The following WDR64 variants were observed in gnomAD, a reference collection of about 807,000 sequenced individuals.
WDR64 encodes WD repeat-containing protein 64.
Under a neutral mutation model 139.3 loss-of-function variants are expected in WDR64, and 112 were observed. The ratio of observed to expected loss-of-function variants is 0.80; its 90% CI spans 0.69 to 0.94. WDR64 has a LOEUF of 0.94. Ranked by LOEUF, WDR64 falls within the 40% of genes least tolerant of loss-of-function variation. WDR64 has a pLI of 0.00. For missense variants in WDR64, 1,206 were observed against 1,293.1 expected, an observed-to-expected ratio of 0.93 and a Z score of 1.03; for synonymous variants, 444 against 437.7, an observed-to-expected ratio of 1.01 and a Z score of -0.18.
At chr1:241,777,644 C>G (rs1158439146) in intron 21 of WDR64, among the ~76,000 whole-genome samples, 2 of 152,048 alleles carry the variant, frequency 1.3e-5, no homozygotes, top group Admixed American at 6.6e-5. Flanking sequence ...TTTCGAACTC[C>G]TGACCTCAGG....
rs529047338 is a variant in WDR64, at chr1:241,677,468, G to A, written c.484-719G>A. 4 of 398,310 alleles carry A rather than the reference G, an allele frequency of 1.0e-5. No individual in the cohort carries two copies. In the South Asian group the frequency reaches 3.8e-4, roughly 38 times the overall value. The allele number at this position is 398,310 out of a possible 1,614,324, so 24.7% of individuals were successfully genotyped here. A position where few individuals can be genotyped will look rare whatever the true frequency, so the allele number is the denominator to read the frequency against. ...TATTTCACATAATCCGTTTCTTCTG[G>A]GCCGCTGTTTCCTAGATACTTCTCA... On this transcript the variant is annotated intron_variant, in intron 4 of 27. Coordinates refer to ENST00000437684, the MANE Select transcript of WDR64 (RefSeq NM_001367482.1).
At chr1:241,668,861 C>A (rs1039013779) in intron 2 of WDR64, among the ~76,000 whole-genome samples, 3 of 151,626 alleles carry the variant, frequency 2.0e-5, no homozygotes, top group Non-Finnish European at 4.4e-5. Flanking sequence ...GATCACACCA[C>A]TGCACTCCAG....
chr1:241,713,679 G>A (rs887874737), intron 9 of WDR64, among the ~76,000 whole-genome samples: 1 of 152,120 alleles, frequency 6.6e-6, no homozygotes, highest in Admixed American at 6.5e-5. Context: ...AAATCACTTT[G>A]GCAAAGGTGG....
At chr1:241,665,844 T>C (rs897954261) in intron 2 of WDR64, among the ~76,000 whole-genome samples, 1 of 152,132 alleles carries the variant, frequency 6.6e-6, no homozygotes, top group African/African-American at 2.4e-5. Flanking sequence ...AGAAGAGGCA[T>C]ACCACACCAT....
chr1:241,738,515 C>T (rs747624194), intron 11 of WDR64, 26 bp downstream of exon 11: 47 of 1,588,788 alleles, frequency 3.0e-5, no homozygotes, highest in East Asian at 2.5e-4. Context: ...TAATGTCAAA[C>T]GAAACTCATG....
At chr1:241,694,398 AAC>A in intron 8 of WDR64, among the ~76,000 whole-genome samples, 1 of 152,318 alleles carries the variant, frequency 6.6e-6, no homozygotes, top group Admixed American at 6.5e-5. Flanking sequence ...GCACATTAAA[AAC>A]AGTTTCATTT....
In WDR64 at chr1:241,801,975, G is replaced by A. The variant is rs1659539166; in HGVS notation, c.*760G>A. On this transcript the variant is annotated 3_prime_UTR_variant, in exon 28 of 28. Coordinates refer to ENST00000437684, the MANE Select transcript of WDR64 (RefSeq NM_001367482.1). ...ACAAGAAACACATCTAACATACAAGGACACCAAACTCTTAAAGATAAAAGA... is the reference window on the plus strand; with the variant it reads ...ACAAGAAACACATCTAACATACAAGAACACCAAACTCTTAAAGATAAAAGA... 7.6e-6 allele frequency: 3 copies of A among 397,102 alleles called. No individual in the cohort carries two copies. The South Asian group carries it at 3.9e-4, about 51-fold the overall frequency. 24.6% of individuals were successfully genotyped at this position (397,102 alleles called of 1,614,324 possible).
Position 241,761,413 on chromosome 1 carries a change from GC to G in WDR64, c.1947+3955del, listed in dbSNP as rs1314202880. 3.3e-5 allele frequency among the ~76,000 whole-genome samples: 5 copies of G among 151,976 alleles called. No individual in the cohort carries two copies. The East Asian group carries it at 9.7e-4, about 29-fold the overall frequency. On this transcript the variant is annotated intron_variant, in intron 15 of 27. Coordinates refer to ENST00000437684, the MANE Select transcript of WDR64 (RefSeq NM_001367482.1). ...AATATAATTTGGTATACTTTAATTT[GC>G]ATTTATCTTATAATGAGTGAGTGGA...
At chr1:241,659,322 G>A (rs911587631) in intron 1 of WDR64, among the ~76,000 whole-genome samples, 7 of 152,116 alleles carry the variant, frequency 4.6e-5, no homozygotes, top group Non-Finnish European at 1.0e-4. Flanking sequence ...ATGGGCATTT[G>A]TATTGATTCC....
intron 15 of WDR64, among the ~76,000 whole-genome samples, chr1:241,764,458 G>A (rs1416920961): frequency 6.6e-6 from 1 of 152,006 alleles, no homozygotes; most frequent in Non-Finnish European, 1.5e-5. Context: ...TTCGAGGCCA[G>A]CCTGGGCAAC....
At chr1:241,690,640 G>A (rs1667184281) in intron 8 of WDR64, among the ~76,000 whole-genome samples, 1 of 152,098 alleles carries the variant, frequency 6.6e-6, no homozygotes, top group Non-Finnish European at 1.5e-5. Context: ...TGTATACCGT[G>A]AAATTAGCCT....
intron 25 of WDR64, among the ~76,000 whole-genome samples, chr1:241,791,928 C>T (rs1277629298): frequency 6.6e-6 from 1 of 152,176 alleles, no homozygotes; most frequent in East Asian, 1.9e-4. Flanking sequence ...GAAAAGTGTA[C>T]TGCTGTTCAT....
intron 12 of WDR64, 150 bp downstream of exon 12, chr1:241,741,814 G>T (rs575901504): frequency 1.7e-4 from 157 of 902,430 alleles, no homozygotes; most frequent in Non-Finnish European, 2.3e-4. Context: ...CCATGAGTAC[G>T]TGAAAAACAA....
chr1:241,787,317 T>C (rs1357398171), intron 23 of WDR64, among the ~76,000 whole-genome samples: 20 of 138,438 alleles, frequency 1.4e-4, no homozygotes, highest in Middle Eastern at 3.9e-3. Flanking sequence ...TGAGCCGAGA[T>C]GGCACCACTG....
chr1:241,737,628 T>A (rs1287534009), intron 10 of WDR64, among the ~76,000 whole-genome samples: 2 of 152,180 alleles, frequency 1.3e-5, no homozygotes, highest in Non-Finnish European at 2.9e-5. Flanking sequence ...ATTTCTGAAA[T>A]TCAATAACAC....
intron 11 of WDR64, among the ~76,000 whole-genome samples, chr1:241,738,719 T>C (rs1669422092): frequency 6.6e-6 from 1 of 152,222 alleles, no homozygotes; most frequent in African/African-American, 2.4e-5. Flanking sequence ...AGGTTGGTTA[T>C]TGCTTTAAGT....
intron 15 of WDR64, among the ~76,000 whole-genome samples, chr1:241,760,804 C>T (rs1420930815): frequency 1.1e-4 from 12 of 109,094 alleles, no homozygotes; most frequent in African/African-American, 3.3e-4. Context: ...CTCACTCTTT[C>T]GCCCAAGCTG....
intron 11 of WDR64, among the ~76,000 whole-genome samples, chr1:241,739,603 C>T (rs185040315): frequency 1.6e-4 from 24 of 152,194 alleles, no homozygotes; most frequent in Admixed American, 2.0e-4. Flanking sequence ...CTCTCAGTGC[C>T]CCAATTTGCA....
At chr1:241,691,733 G>A (rs993262234) in intron 8 of WDR64, among the ~76,000 whole-genome samples, 1 of 152,172 alleles carries the variant, frequency 6.6e-6, no homozygotes, top group African/African-American at 2.4e-5. Flanking sequence ...AAAAACATAG[G>A]CTGGGCACAG....
Sources: gnomAD v4.1 joint callset for allele counts (sites outside exome capture counted in the v4.1 genomes callset) on GRCh38, gnomAD v4.1.1 for gene constraint, MANE v1.5 for transcripts, NCBI Gene and HGNC (gene_info 2026-07-23, HGNC 2026-07-21) for gene names.